The following THSD7B variants were observed in gnomAD, a reference collection of about 807,000 sequenced individuals.
THSD7B encodes the protein thrombospondin type-1 domain-containing protein 7B.
THSD7B carries 138 observed loss-of-function variants against 213.6 expected under a neutral mutation model. The ratio of observed to expected loss-of-function variants is 0.65; its 90% CI spans 0.56 to 0.74. The LOEUF (loss-of-function observed/expected upper bound fraction) is 0.74. Among genes scored for constraint, THSD7B ranks in the 30% least tolerant of loss-of-function variants. THSD7B has a pLI of 0.00. For missense variants in THSD7B, 1,931 were observed against 1,991.5 expected (o/e 0.97, Z 0.58); for synonymous variants, 742 against 687.0 (o/e 1.08, Z -1.25).
In THSD7B at chr2:137,238,854, T is replaced by C. The variant is rs577220829; in HGVS notation, c.2151-3603T>C. Among the ~76,000 whole-genome samples the C allele has an allele frequency of 3.2e-4, 48 of 152,226 alleles. 1 individual carries two copies. In the South Asian group the frequency reaches 6.8e-3, roughly 22 times the overall value. On this transcript the variant is annotated intron_variant, in intron 9 of 27. Transcript: ENST00000409968. ...AGGCGTGAGCCACCGCGCCCGGCCA[T>C]GACACTCATCTTTCTTTCTCTTGTT...
chr2:136,887,473 G>A (rs908945688), intron 2 of THSD7B, among the ~76,000 whole-genome samples: 2 of 152,090 alleles, frequency 1.3e-5, no homozygotes, highest in African/African-American at 4.8e-5. Context: ...GATCATGAGG[G>A]GGGATCCCTG....
At chr2:137,247,008 A>G (rs1682055524) in intron 10 of THSD7B, among the ~76,000 whole-genome samples, 1 of 152,170 alleles carries the variant, frequency 6.6e-6, no homozygotes, top group Non-Finnish European at 1.5e-5. Flanking sequence ...GCAGTGAAGG[A>G]TGAGAAACAC....
chr2:137,172,528 C>T (rs1680273337), intron 7 of THSD7B, among the ~76,000 whole-genome samples: 1 of 152,200 alleles, frequency 6.6e-6, no homozygotes, highest in Admixed American at 6.5e-5. Flanking sequence ...GGAAGCCCTG[C>T]ACTCTGTCCC....
chr2:136,840,647 G>A (rs1268740757), intron 1 of THSD7B, among the ~76,000 whole-genome samples: 1 of 152,144 alleles, frequency 6.6e-6, no homozygotes, highest in South Asian at 2.1e-4. Flanking sequence ...GGCTTTGAAT[G>A]TCTTGATAAA....
At chr2:136,778,145 C>A (rs1403433598) in intron 1 of THSD7B, among the ~76,000 whole-genome samples, 1 of 152,192 alleles carries the variant, frequency 6.6e-6, no homozygotes, top group Non-Finnish European at 1.5e-5. Context: ...CATAGTTCTA[C>A]ATTTGCTTTC....
At position 137,563,222 on chromosome 2, in the gene THSD7B, T is replaced by G. The variant is rs767098129; in HGVS notation, c.3140T>G (p.Val1047Gly). Residue 1047 changes from valine (V) to glycine (G), a missense_variant and splice_region_variant, in exon 16 of 28, where the codon GTA becomes GGA. Coordinates refer to ENST00000409968, the MANE Select transcript of THSD7B (RefSeq NM_001316349.2). ...PCPKLDLKNQ[V>G]HEAVPCYSEC... ...TTGTTTCTTTCCTGTTCTTGACAGG[T>G]ACATGAGGCAGTCCCATGTTACAGT... The G allele has an allele frequency of 2.5e-6, 4 of 1,613,098 alleles. No homozygotes were observed. The highest frequency in any genetic ancestry group is 3.4e-6 in the Non-Finnish European group (4 of 1,179,378).
At chr2:137,348,299 C>G (rs1278481140) in intron 12 of THSD7B, among the ~76,000 whole-genome samples, 2 of 151,726 alleles carry the variant, frequency 1.3e-5, no homozygotes, top group Non-Finnish European at 3.0e-5. Flanking sequence ...CAATTGTTTG[C>G]AACTGAATGC....
At chr2:137,500,024 C>T (rs1298928336) in intron 15 of THSD7B, among the ~76,000 whole-genome samples, 1 of 152,082 alleles carries the variant, frequency 6.6e-6, no homozygotes, top group Non-Finnish European at 1.5e-5. Context: ...GTATGTAATC[C>T]TTGACAATAC....
intron 2 of THSD7B, among the ~76,000 whole-genome samples, chr2:136,923,127 T>C (rs529270550): frequency 6.6e-6 from 1 of 152,284 alleles, no homozygotes; most frequent in East Asian, 1.9e-4. Flanking sequence ...CCTCCCCACC[T>C]AGCCCTTGGC....
intron 2 of THSD7B, among the ~76,000 whole-genome samples, chr2:136,940,385 A>G (rs182268560): frequency 7.2e-5 from 11 of 152,210 alleles, no homozygotes; most frequent in Non-Finnish European, 1.6e-4. Flanking sequence ...GTATATGTAT[A>G]CCACATTTTA....
chr2:136,950,122 C>T (rs760707772), intron 2 of THSD7B, among the ~76,000 whole-genome samples: 5 of 152,072 alleles, frequency 3.3e-5, no homozygotes, highest in African/African-American at 7.2e-5. Flanking sequence ...TGTGGTGGCA[C>T]GTGGCTGTAG....
chr2:137,403,056 C>T (rs1489491224), intron 12 of THSD7B, among the ~76,000 whole-genome samples: 2 of 151,968 alleles, frequency 1.3e-5, no homozygotes, highest in African/African-American at 4.8e-5. Context: ...CTGTAATATT[C>T]CCAACAAAGA....
intron 13 of THSD7B, among the ~76,000 whole-genome samples, chr2:137,410,186 T>C (rs1323769388): frequency 6.6e-6 from 1 of 152,244 alleles, no homozygotes; most frequent in African/African-American, 2.4e-5. Flanking sequence ...TCTAGTGTCC[T>C]AATGGTAGAG....
intron 7 of THSD7B, among the ~76,000 whole-genome samples, chr2:137,176,139 T>C (rs1217586487): frequency 5.3e-5 from 8 of 152,210 alleles, no homozygotes; most frequent in Admixed American, 5.2e-4. Context: ...ATTCATCAGA[T>C]ATTTCTTTTT....
intron 12 of THSD7B, among the ~76,000 whole-genome samples, chr2:137,386,690 G>A (rs764821948): frequency 9.2e-5 from 14 of 151,988 alleles, no homozygotes; most frequent in Non-Finnish European, 1.0e-4. Context: ...TTTTCATAAG[G>A]CCAGTAACCC....
At chr2:137,280,885 A>AT (rs1043215416) in intron 12 of THSD7B, among the ~76,000 whole-genome samples, 2 of 152,042 alleles carry the variant, frequency 1.3e-5, no homozygotes, top group Admixed American at 1.3e-4. Context: ...CCAGGGACCG[A>AT]TTTTTTGTTT....
chr2:137,577,647 C>G (rs1434879237), intron 17 of THSD7B, among the ~76,000 whole-genome samples: 3 of 152,050 alleles, frequency 2.0e-5, no homozygotes, highest in African/African-American at 7.2e-5. Flanking sequence ...ATCTCTTCTT[C>G]CCCCACTTCT....
In THSD7B at chr2:137,565,823, C is replaced by G. The variant is rs142738214; in HGVS notation, c.3272+2469C>G. Among the ~76,000 whole-genome samples, 101 of 152,222 alleles carry G rather than the reference C, an allele frequency of 6.6e-4. 1 individual carries two copies. In the South Asian group the frequency reaches 0.013, roughly 20 times the overall value. ...GCCACCAGTCTCATCATGGTGGCTC[C>G]ACTCTGATGACTTAATCTAATCCTG... On this transcript the variant is annotated intron_variant, in intron 16 of 27. Coordinates refer to ENST00000409968, the MANE Select transcript of THSD7B (RefSeq NM_001316349.2).
intron 17 of THSD7B, among the ~76,000 whole-genome samples, chr2:137,580,094 G>GA (rs1681543433): frequency 1.3e-5 from 2 of 151,908 alleles, no homozygotes; most frequent in South Asian, 4.2e-4. Flanking sequence ...TTAATTGTTT[G>GA]AAAATACATA....
Sources: allele counts gnomAD v4.1 joint callset (sites outside exome capture counted in the v4.1 genomes callset), GRCh38; gene constraint gnomAD v4.1.1; transcripts MANE v1.5; gene names NCBI Gene and HGNC (gene_info 2026-07-23, HGNC 2026-07-21).